The following ZNF704 variants were observed in gnomAD, a reference collection of about 807,000 sequenced individuals.
ZNF704 encodes the protein zinc finger protein 704, also known as glucocorticoid induced gene 1.
A neutral mutation model predicts 44.7 loss-of-function variants in ZNF704; 10 were observed. That is an observed-to-expected ratio of 0.22 (90% CI 0.14 to 0.38). ZNF704 has a LOEUF of 0.38. Among genes scored for constraint, ZNF704 ranks in the 10% least tolerant of loss-of-function variants. The probability of loss-of-function intolerance (pLI) is 1.00; values close to 1 mark genes in which losing one functional copy is unlikely to be tolerated. For missense variants in ZNF704, 390 were observed against 545.5 expected (o/e 0.71, Z 2.84); for synonymous variants, 211 against 207.6 (o/e 1.02, Z -0.14).
At chr8:80,846,259 T>C (rs1279267477) in intron 1 of ZNF704, among the ~76,000 whole-genome samples, 1 of 152,182 alleles carries the variant, frequency 6.6e-6, no homozygotes, top group Admixed American at 6.6e-5. Context: ...TGAGTAAATC[T>C]TACATGTGGT....
intron 2 of ZNF704, among the ~76,000 whole-genome samples, chr8:80,759,447 C>A (rs1353359963): frequency 2.0e-5 from 3 of 152,112 alleles, no homozygotes; most frequent in Non-Finnish European, 2.9e-5. Flanking sequence ...ACCCTCTTTA[C>A]TAGTGTGGCA....
intron 1 of ZNF704, among the ~76,000 whole-genome samples, chr8:80,864,238 T>G (rs902072569): frequency 5.9e-5 from 9 of 152,182 alleles, no homozygotes; most frequent in African/African-American, 2.2e-4. Context: ...ACTTGACAAC[T>G]TATTTCTTTA....
intron 2 of ZNF704, among the ~76,000 whole-genome samples, chr8:80,717,485 GA>G (rs1439423032): frequency 6.6e-6 from 1 of 152,190 alleles, no homozygotes; most frequent in Non-Finnish European, 1.5e-5. Context: ...ACTACAAATG[GA>G]AATAGTAATA....
intron 2 of ZNF704, among the ~76,000 whole-genome samples, chr8:80,757,908 C>T (rs180830182): frequency 1.2e-4 from 19 of 152,264 alleles, no homozygotes; most frequent in Non-Finnish European, 2.8e-4. Flanking sequence ...TTCTATGATG[C>T]TTGCACAATG....
At chr8:80,882,435 C>T in the ZNF704 span, among the ~76,000 whole-genome samples, 2 of 152,170 alleles carry the variant, frequency 1.3e-5, no homozygotes, top group East Asian at 1.9e-4. Flanking sequence ...TTTTCTTATC[C>T]TTTGCCCATA....
intron 1 of ZNF704, among the ~76,000 whole-genome samples, chr8:80,824,266 A>T (rs577495222): frequency 2.0e-5 from 3 of 152,330 alleles, no homozygotes; most frequent in Admixed American, 2.0e-4. Flanking sequence ...TGGCACGAGA[A>T]CTACGTGACG....
chr8:80,682,877 C>G (rs773890609), intron 4 of ZNF704, among the ~76,000 whole-genome samples: 1 of 152,154 alleles, frequency 6.6e-6, no homozygotes, highest in African/African-American at 2.4e-5. Context: ...GCTGAAGAGG[C>G]CAAGTGACTT....
intron 2 of ZNF704, among the ~76,000 whole-genome samples, chr8:80,742,938 C>T (rs1315508007): frequency 6.6e-6 from 1 of 152,036 alleles, no homozygotes; most frequent in East Asian, 1.9e-4. Context: ...GACGCATCCA[C>T]CTTTAAACAC....
chr8:80,771,733 A>C (rs1807323627), intron 2 of ZNF704, among the ~76,000 whole-genome samples: 1 of 152,210 alleles, frequency 6.6e-6, no homozygotes, highest in Non-Finnish European at 1.5e-5. Flanking sequence ...AACTTCCAGC[A>C]ATATGTTGAA....
rs73264437 is a variant in ZNF704 at position 80,849,434 on chromosome 8, G to A, written c.-22+25137C>T. Among the ~76,000 whole-genome samples the A allele has an allele frequency of 3.8e-3, 583 of 152,216 alleles. 3 individuals are homozygous for A. Among genetic ancestry groups the A allele is most frequent in the African/African-American group, 0.013 (548 of 41,538 alleles). On this transcript the variant is annotated intron_variant, in intron 1 of 8. Coordinates refer to ENST00000327835, the MANE Select transcript of ZNF704 (RefSeq NM_001033723.3). ...AACAGAAAACATCCCAGAAAGTACA[G>A]GTCCTTTTCTTCACAGAAATAAACC...
chr8:80,797,888 T>C (rs1807833650), intron 2 of ZNF704, among the ~76,000 whole-genome samples: 2 of 152,162 alleles, frequency 1.3e-5, no homozygotes, highest in African/African-American at 4.8e-5. Flanking sequence ...GTTTTCCAAA[T>C]CCTTCTGCTT....
Position 80,659,579 on chromosome 8 carries a change from A to C in ZNF704, c.1032+6T>G. ...AGATTTTTGGCTTTTTCGTTTTTCT[A>C]CTTACTGGGATGCCTGTGAAAGTGA... On this transcript the variant is annotated splice_donor_region_variant and intron_variant, in intron 7 of 8. Coordinates refer to ENST00000327835, the MANE Select transcript of ZNF704 (RefSeq NM_001033723.3). The C allele has an allele frequency of 6.2e-7, 1 of 1,613,516 alleles. No homozygotes were observed. The highest frequency in any genetic ancestry group is 8.5e-7 in the Non-Finnish European group (1 of 1,179,612).
chr8:80,846,699 T>C (rs988825622), intron 1 of ZNF704, among the ~76,000 whole-genome samples: 12 of 152,330 alleles, frequency 7.9e-5, no homozygotes, highest in Non-Finnish European at 1.2e-4. Flanking sequence ...ACTCAATTTT[T>C]ACTCATTTCA....
At chr8:80,760,379 C>A (rs80172967) in intron 2 of ZNF704, among the ~76,000 whole-genome samples, 1 of 151,970 alleles carries the variant, frequency 6.6e-6, no homozygotes, top group Admixed American at 6.6e-5. Flanking sequence ...AATACCTGGC[C>A]GGGCACGGTG....
chr8:80,712,134 T>C (rs182025451), intron 2 of ZNF704, among the ~76,000 whole-genome samples: 4 of 152,282 alleles, frequency 2.6e-5, no homozygotes, highest in Admixed American at 2.6e-4. Context: ...TTAATGCTGT[T>C]ATTGTGAGAG....
chr8:80,837,474 T>C (rs1446449869), intron 1 of ZNF704, among the ~76,000 whole-genome samples: 2 of 152,112 alleles, frequency 1.3e-5, no homozygotes, highest in Non-Finnish European at 2.9e-5. Flanking sequence ...AAGCAAGACA[T>C]GGTTAAAGTT....
chr8:80,705,726 T>C (rs1036403656), intron 2 of ZNF704, among the ~76,000 whole-genome samples: 15 of 152,296 alleles, frequency 9.8e-5, no homozygotes, highest in African/African-American at 3.6e-4. Context: ...CCCTGTCTCC[T>C]GCCCTGTCTC....
At chr8:80,813,646 G>A (rs533102682) in intron 2 of ZNF704, among the ~76,000 whole-genome samples, 72 of 152,292 alleles carry the variant, frequency 4.7e-4, no homozygotes, top group African/African-American at 1.7e-3. Context: ...GGGAGGCCGA[G>A]GCGGGCAGAT....
chr8:80,679,814 C>G (rs1268960243), intron 4 of ZNF704, among the ~76,000 whole-genome samples: 1 of 152,222 alleles, frequency 6.6e-6, no homozygotes, highest in Non-Finnish European at 1.5e-5. Context: ...CGTGAGCAGA[C>G]TCCTGGAATC....
Sources: gnomAD v4.1 joint callset for allele counts (sites outside exome capture counted in the v4.1 genomes callset) on GRCh38, gnomAD v4.1.1 for gene constraint, MANE v1.5 for transcripts, NCBI Gene and HGNC (gene_info 2026-07-23, HGNC 2026-07-21) for gene names.